BTK: variants seen among roughly 807,000 people sequenced by gnomAD.
BTK encodes the protein Bruton tyrosine kinase.
In BTK, 5 loss-of-function variants were observed where a neutral mutation model predicts 57.4. The observed-to-expected ratio is 0.09, with a 90% CI of 0.05 to 0.18. BTK has a LOEUF of 0.18. Among genes scored for constraint, BTK ranks in the 10% least tolerant of loss-of-function variants. The probability of loss-of-function intolerance (pLI) is 1.00; values close to 1 mark genes in which losing one functional copy is unlikely to be tolerated. For missense variants in BTK, 194 were observed against 501.2 expected (o/e 0.39, Z 5.85); for synonymous variants, 154 against 174.3 (o/e 0.88, Z 0.92).
intron 5 of BTK, among the ~76,000 whole-genome samples, chrX:101,365,854 AGAAGGGC>A (rs1926833466): frequency 8.9e-6 from 1 of 112,370 alleles, no homozygotes; most frequent in Admixed American, 9.5e-5. Flanking sequence ...GCTGGAACAT[AGAAGGGC>A]CCACTGCCAT....
chrX:101,372,594 T>A (rs1555980493), intron 3 of BTK, among the ~76,000 whole-genome samples: 1 of 108,128 alleles, frequency 9.2e-6, no homozygotes, highest in African/African-American at 3.4e-5. Context: ...GATTACAGGC[T>A]CGCGCCACCA....
Position 101,353,875 on chromosome X carries a change from G to A in BTK, c.1745C>T (p.Ala582Val). The A allele has an allele frequency of 8.3e-7, 1 of 1,202,087 alleles. No individual in the cohort carries two copies. The highest frequency in any genetic ancestry group is 1.1e-6 in the Non-Finnish European group (1 of 886,557). The change falls in exon 17 of 19, where the codon GCT becomes GTT. Residue 582 changes from alanine to valine, a missense_variant. Ala to Val is a moderately conservative substitution (Grantham distance 64). This residue lies in a region of BTK where 79 missense variants were observed against 217.7 expected (regional missense o/e 0.36). Coordinates refer to ENST00000308731, the MANE Select transcript of BTK (RefSeq NM_000061.3). ...SKFSSKSDIW[A>V]FGVLMWEIYS... ...GTGTAATCTTATCCACTTACCAAAA[G>A]CCCAAATGTCAGATTTGCTGCTGAA...
chrX:101,371,380 A>G (rs1174389294), intron 4 of BTK, among the ~76,000 whole-genome samples: 1 of 112,401 alleles, frequency 8.9e-6, no homozygotes. Flanking sequence ...TAGACAAGAC[A>G]CACTATGATA....
intron 2 of BTK, 126 bp from the exon 3 acceptor site, chrX:101,374,760 G>A: frequency 4.7e-5 from 27 of 580,049 alleles, no homozygotes; most frequent in Admixed American, 2.3e-4. Flanking sequence ...TGTGGGGGAA[G>A]AAAAAAAAAT....
At chrX:101,354,482 C>G (rs1373253577) in intron 16 of BTK, 148 bp downstream of exon 16, 2 of 623,213 alleles carry the variant, frequency 3.2e-6, no homozygotes, top group Non-Finnish European at 5.2e-6. Flanking sequence ...TTAAATAACT[C>G]AGAGGAAGAA....
At chrX:101,377,551 G>A (rs782462296) in intron 1 of BTK, among the ~76,000 whole-genome samples, 16 of 111,231 alleles carry the variant, frequency 1.4e-4, no homozygotes, top group African/African-American at 5.2e-4. Flanking sequence ...GGCTCTTGGT[G>A]GATACATTCC....
At position 101,375,128 on chromosome X, in the gene BTK, T is replaced by C; in HGVS notation, c.141+16A>G. 1.7e-6 allele frequency: 2 copies of C among 1,211,089 alleles called. No individual in the cohort carries two copies. The highest frequency in any genetic ancestry group is 1.7e-5 in the African/African-American group (1 of 57,827). On this transcript the variant is annotated intron_variant, in intron 2 of 18. Transcript: ENST00000308731. ...TTGATATCTTGAAACTCAGTTTTCA[T>C]AGTCGAGAAACTTACCCCACGTTCA... is the stretch of plus-strand genomic sequence containing the variant.
chrX:101,369,264 A>G (rs1050245674), intron 5 of BTK, among the ~76,000 whole-genome samples: 1 of 112,347 alleles, frequency 8.9e-6, no homozygotes, highest in African/African-American at 3.2e-5. Context: ...GTGCTTTTAC[A>G]TGTATTATTA....
At chrX:101,364,409 C>CA (rs782095484) in intron 5 of BTK, among the ~76,000 whole-genome samples, 17,297 of 49,815 alleles carry the variant, frequency 0.35, 1,871 homozygotes, top group African/African-American at 0.43. Context: ...AACTCCAACT[C>CA]AAAAAAAAAA....
intron 18 of BTK, among the ~76,000 whole-genome samples, chrX:101,351,123 G>A (rs1315929846): frequency 9.0e-6 from 1 of 111,607 alleles, no homozygotes; most frequent in African/African-American, 3.3e-5. Context: ...AGCCTCCTGA[G>A]TAGCTGAGAT....
At chrX:101,381,362 CCTT>C (rs1454941375) in intron 1 of BTK, among the ~76,000 whole-genome samples, 1 of 111,696 alleles carries the variant, frequency 9.0e-6, no homozygotes, top group Admixed American at 9.6e-5. Context: ...TTGCATCATT[CCTT>C]CTTGCCTTTT....
intron 1 of BTK, among the ~76,000 whole-genome samples, chrX:101,379,766 G>A (rs1386677915): frequency 1.8e-5 from 2 of 110,304 alleles, no homozygotes; most frequent in African/African-American, 6.9e-5. Context: ...AGGAAATGGT[G>A]GTAAATACAG....
intron 16 of BTK, 66 bp from the exon 17 acceptor site, chrX:101,354,054 G>T: frequency 1.2e-6 from 1 of 835,746 alleles, no homozygotes; most frequent in Non-Finnish European, 1.8e-6. Flanking sequence ...CGTTTTCTTG[G>T]CACGGTCACA....
chrX:101,357,938 T>A (rs3788763), intron 12 of BTK, among the ~76,000 whole-genome samples: 9,550 of 111,700 alleles, frequency 0.085, 676 homozygotes, highest in African/African-American at 0.22. Context: ...TTTCTTCTGA[T>A]GTTGTCTAAC....
intron 18 of BTK, among the ~76,000 whole-genome samples, chrX:101,350,666 C>T (rs1374880212): frequency 9.1e-6 from 1 of 110,375 alleles, no homozygotes; most frequent in Non-Finnish European, 1.9e-5. Flanking sequence ...AGACTAGTCT[C>T]GAATTCCTGA....
In BTK at chrX:101,360,037, G is replaced by T. The variant is rs5951412; in HGVS notation, c.839+51C>A. The T allele has an allele frequency of 0.21, 112,299 of 529,508 alleles. 8,783 individuals carry two copies. The highest frequency in any genetic ancestry group is 0.23 in the Middle Eastern group (541 of 2,354). The allele number at this position is 529,508 out of a possible 1,213,427, so 43.6% of individuals were successfully genotyped here. A position where few individuals can be genotyped will look rare whatever the true frequency, so the allele number is the denominator to read the frequency against. On this transcript the variant is annotated intron_variant, in intron 9 of 18. Transcript: ENST00000308731. Reference sequence around the variant, plus strand: ...AAATAAATAAATATATATATATATAGAGAGAGAGAGTTCCTCCTGGAAGAT... The same window carrying T: ...AAATAAATAAATATATATATATATATAGAGAGAGAGTTCCTCCTGGAAGAT...
chrX:101,381,737 A>G (rs973305073), intron 1 of BTK, among the ~76,000 whole-genome samples: 9 of 111,342 alleles, frequency 8.1e-5, no homozygotes, highest in African/African-American at 2.9e-4. Flanking sequence ...ACATGTTTAA[A>G]ATTTACATAT....
upstream of BTK, among the ~76,000 whole-genome samples, chrX:101,389,615 C>G (rs782252304): frequency 9.0e-6 from 1 of 111,450 alleles, no homozygotes; most frequent in Non-Finnish European, 1.9e-5. Context: ...CAGACTCTCA[C>G]GGTTCTTCAG....
chrX:101,388,278 G>A (rs1002771962), upstream of BTK, among the ~76,000 whole-genome samples: 40 of 111,379 alleles, frequency 3.6e-4, no homozygotes, highest in Admixed American at 1.9e-3. Flanking sequence ...CTAAACAAGA[G>A]AGAGAGAGGA....
Sources: gnomAD v4.1 joint callset for allele counts (sites outside exome capture counted in the v4.1 genomes callset) on GRCh38, gnomAD v4.1.1 for gene constraint, gnomAD v4.1.1 regional missense constraint, MANE v1.5 for transcripts, NCBI Gene and HGNC (gene_info 2026-07-23, HGNC 2026-07-21) for gene names.